STAG1: variants seen among roughly 807,000 people sequenced by gnomAD.
The protein encoded by STAG1 is cohesin subunit SA-1.
In STAG1, 26 loss-of-function variants were observed where a neutral mutation model predicts 170.9. The ratio of observed to expected loss-of-function variants is 0.15; its 90% CI spans 0.11 to 0.21. The LOEUF (loss-of-function observed/expected upper bound fraction) is 0.21, where lower values mean the gene tolerates loss of function less well. Among genes scored for constraint, STAG1 ranks in the 10% least tolerant of loss-of-function variants. The probability of loss-of-function intolerance (pLI) is 1.00; values close to 1 mark genes in which losing one functional copy is unlikely to be tolerated. For missense variants in STAG1, 964 were observed against 1,509.5 expected (o/e 0.64, Z 5.99); for synonymous variants, 514 against 497.7 (o/e 1.03, Z -0.44).
At chr3:136,492,296 T>C (rs1482408647) in intron 9 of STAG1, among the ~76,000 whole-genome samples, 1 of 152,250 alleles carries the variant, frequency 6.6e-6, no homozygotes, top group Non-Finnish European at 1.5e-5. Context: ...TTATGCAAGG[T>C]CTGATTAAAT....
chr3:136,359,840 A>ATATATTTATAGAAGTACACTG (rs1936793670), intron 26 of STAG1, among the ~76,000 whole-genome samples: 1 of 152,248 alleles, frequency 6.6e-6, no homozygotes, highest in Non-Finnish European at 1.5e-5. Context: ...GGAAAAGGAA[A>ATATATTTATAGAAGTACACTG]TATATTTATA....
At chr3:136,687,263 CAT>C (rs1942559332) in intron 1 of STAG1, among the ~76,000 whole-genome samples, 2 of 152,230 alleles carry the variant, frequency 1.3e-5, no homozygotes, top group African/African-American at 2.4e-5. Flanking sequence ...TGTGTGTATT[CAT>C]AGTTACTTGT....
chr3:136,736,636 C>T, intron 1 of STAG1: 1 of 1,603,762 alleles, frequency 6.2e-7, no homozygotes, highest in Non-Finnish European at 8.5e-7. Context: ...TTCTGCCACT[C>T]TCTTTCCCGT....
chr3:136,551,478 C>G (rs1430019209), intron 5 of STAG1, among the ~76,000 whole-genome samples: 1 of 122,336 alleles, frequency 8.2e-6, no homozygotes, highest in African/African-American at 3.2e-5. Context: ...TAGGGTTTCT[C>G]TGTGTTGCCC....
intron 2 of STAG1, among the ~76,000 whole-genome samples, chr3:136,628,071 G>T (rs1161228175): frequency 6.6e-6 from 1 of 152,176 alleles, no homozygotes; most frequent in African/African-American, 2.4e-5. Context: ...CCTGTCGAGG[G>T]AGGGACCTGG....
chr3:136,377,149 C>G (rs1937640509), intron 23 of STAG1, among the ~76,000 whole-genome samples: 1 of 148,272 alleles, frequency 6.7e-6, no homozygotes, highest in Non-Finnish European at 1.5e-5. Context: ...CCTGTAATCT[C>G]AGCACTTTGG....
chr3:136,501,557 C>G (rs1933473915), intron 8 of STAG1, among the ~76,000 whole-genome samples: 1 of 152,166 alleles, frequency 6.6e-6, no homozygotes, highest in African/African-American at 2.4e-5. Flanking sequence ...GGAGAGAAGT[C>G]TGGAACACAA....
intron 1 of STAG1, among the ~76,000 whole-genome samples, chr3:136,699,580 T>C: frequency 6.6e-6 from 1 of 151,930 alleles, no homozygotes; most frequent in East Asian, 1.9e-4. Context: ...TAGATGGGGT[T>C]TCACCACATT....
At chr3:136,385,176 G>A (rs2086837573) in intron 22 of STAG1, among the ~76,000 whole-genome samples, 1 of 152,000 alleles carries the variant, frequency 6.6e-6, no homozygotes, top group Non-Finnish European at 1.5e-5. Flanking sequence ...TGGCTGGGTG[G>A]GGCAATTCAC....
At chr3:136,500,989 T>C (rs1347128423) in intron 8 of STAG1, among the ~76,000 whole-genome samples, 4 of 152,014 alleles carry the variant, frequency 2.6e-5, no homozygotes, top group Non-Finnish European at 4.4e-5. Context: ...TACTGTATAG[T>C]AATATTCAGT....
At chr3:136,678,850 C>CAAAAAAAAAAAAA (rs559610524) in intron 1 of STAG1, among the ~76,000 whole-genome samples, 2 of 35,422 alleles carry the variant, frequency 5.6e-5, no homozygotes, top group African/African-American at 1.0e-4. Context: ...CCCATGCTCA[C>CAAAAAAAAAAAAA]AAAAAAAAAA....
chr3:136,342,103 T>G (rs968495704), intron 30 of STAG1, among the ~76,000 whole-genome samples: 5 of 151,568 alleles, frequency 3.3e-5, no homozygotes, highest in African/African-American at 1.2e-4. Context: ...CACTGCAACC[T>G]CCGCCTCCCT....
intron 4 of STAG1, among the ~76,000 whole-genome samples, chr3:136,587,892 G>C (rs1242778730): frequency 1.3e-5 from 2 of 152,122 alleles, no homozygotes; most frequent in African/African-American, 4.8e-5. Flanking sequence ...AACCCGGGGG[G>C]GCGGAGGTTG....
At chr3:136,613,784 G>A (rs558417630) in intron 3 of STAG1, among the ~76,000 whole-genome samples, 1 of 152,076 alleles carries the variant, frequency 6.6e-6, no homozygotes, top group South Asian at 2.1e-4. Context: ...CACTGTGCCC[G>A]GCCAATTAAT....
chr3:136,554,231 A>G (rs1265449957), intron 5 of STAG1, among the ~76,000 whole-genome samples: 1 of 152,204 alleles, frequency 6.6e-6, no homozygotes, highest in Non-Finnish European at 1.5e-5. Context: ...AGAGAGACAG[A>G]CACAAGAGGG....
At chr3:136,635,626 AG>A (rs369967433) in intron 1 of STAG1, among the ~76,000 whole-genome samples, 10 of 152,320 alleles carry the variant, frequency 6.6e-5, no homozygotes, top group African/African-American at 2.2e-4. Context: ...ATGCGACAAG[AG>A]AAAGAAAATA....
chr3:136,681,895 T>C (rs1210894231), intron 1 of STAG1, among the ~76,000 whole-genome samples: 1 of 152,104 alleles, frequency 6.6e-6, no homozygotes, highest in Non-Finnish European at 1.5e-5. Flanking sequence ...AGGTGGCATA[T>C]GAAATACGCA....
At chr3:136,591,493 G>T in intron 4 of STAG1, 1 of 401,742 alleles carries the variant, frequency 2.5e-6, no homozygotes, top group Non-Finnish European at 4.9e-6. Flanking sequence ...GATCACTTGG[G>T]CCCAGAAGTT....
chr3:136,370,695 A>C (rs1412710069), intron 23 of STAG1, among the ~76,000 whole-genome samples: 1 of 152,092 alleles, frequency 6.6e-6, no homozygotes, highest in Non-Finnish European at 1.5e-5. Flanking sequence ...TGAACTCATC[A>C]TTTTTTATGG....
Sources: gnomAD v4.1 joint callset for allele counts (sites outside exome capture counted in the v4.1 genomes callset) on GRCh38, gnomAD v4.1.1 for gene constraint, MANE v1.5 for transcripts, NCBI Gene and HGNC (gene_info 2026-07-23, HGNC 2026-07-21) for gene names.